Variants in YTHDC1 observed in about 807,000 individuals in gnomAD.
YTHDC1 encodes YTH N6-methyladenosine RNA binding protein C1.
A neutral mutation model predicts 107.0 loss-of-function variants in YTHDC1; 12 were observed. That is an observed-to-expected ratio of 0.11 (90% confidence interval 0.07 to 0.18). The LOEUF is 0.18. Among genes scored for constraint, YTHDC1 ranks in the 10% least tolerant of loss-of-function variants. The pLI is 1.00. For missense variants in YTHDC1, 635 were observed against 898.8 expected (o/e 0.71, Z 3.75); for synonymous variants, 280 against 289.5 (o/e 0.97, Z 0.33).
chr4:68,344,450 C>T (rs952165516), intron 1 of YTHDC1, among the ~76,000 whole-genome samples: 9 of 152,158 alleles, frequency 5.9e-5, no homozygotes, highest in African/African-American at 2.2e-4. Flanking sequence ...CTACTCAACT[C>T]CAGAAGATTA....
Position 68,348,613 on chromosome 4 carries a change from T to G in YTHDC1, c.28+1113A>C, listed in dbSNP as rs965008500. ...AAAAGTATTCCCACCCATTCCACTT[T>G]CCCAGCTTGTCCCTAACCTAGGGCA... is the stretch of plus-strand genomic sequence containing the variant. On this transcript the variant is annotated intron_variant, in intron 1 of 16. Transcript: ENST00000344157. Among the ~76,000 whole-genome samples, 2 of 152,042 alleles carry G rather than the reference T, an allele frequency of 1.3e-5. 1 individual carries two copies. Among genetic ancestry groups the G allele is most frequent in the South Asian group, 4.1e-4 (2 of 4,822 alleles).
In YTHDC1 at chr4:68,314,223, C is replaced by T; in HGVS notation, c.2060G>A (p.Arg687Gln). 1 of 1,613,710 alleles carries T rather than the reference C, an allele frequency of 6.2e-7. No homozygotes were observed. The highest frequency in any genetic ancestry group is 2.2e-5 in the East Asian group (1 of 44,838). ...TCGTCTGTTATCTCTAGGGCGGTCTCGCTCTCGTTCCCGGTCTCTTTCACG... is the reference window on the plus strand; with the variant it reads ...TCGTCTGTTATCTCTAGGGCGGTCTTGCTCTCGTTCCCGGTCTCTTTCACG... ...RPRERDRERE[R>Q]DRPRDNRRDR... Residue 687 changes from arginine (R) to glutamine (Q), a missense_variant, in exon 17 of 17, where the codon CGA becomes CAA. This residue lies in a region of YTHDC1 where 256 missense variants were observed against 372.9 expected (regional missense o/e 0.69). Coordinates refer to ENST00000344157, the MANE Select transcript of YTHDC1 (RefSeq NM_001031732.4).
chr4:68,336,377 A>G (rs1406883039), intron 4 of YTHDC1, among the ~76,000 whole-genome samples: 2 of 152,030 alleles, frequency 1.3e-5, no homozygotes, highest in African/African-American at 4.8e-5. Context: ...ACAGTCATAC[A>G]TTTTTGTCTC....
rs1722535974 is a variant in YTHDC1 at position 68,322,426 on chromosome 4, T to A, written c.1601+323A>T. On this transcript the variant is annotated intron_variant, in intron 11 of 16. Coordinates refer to ENST00000344157, the MANE Select transcript of YTHDC1 (RefSeq NM_001031732.4). The surrounding 1 kb of genome is among the most constrained non-coding windows in gnomAD (Gnocchi z 4.8). Reference sequence around the variant, plus strand: ...AATAAAGACTTCCTCCTCTTCCTCCTTTCTAGCCTGTTCTTAGCAACAAAT... The same window carrying A: ...AATAAAGACTTCCTCCTCTTCCTCCATTCTAGCCTGTTCTTAGCAACAAAT... The A allele has an allele frequency of 7.7e-6, 2 of 260,452 alleles. No homozygotes were observed. Among genetic ancestry groups the A allele is most frequent in the African/African-American group, 2.2e-5 (1 of 45,392 alleles). 16.1% of individuals were successfully genotyped at this position (260,452 alleles called of 1,614,324 possible).
At chr4:68,342,703 A>T (rs1724976544) in intron 1 of YTHDC1, among the ~76,000 whole-genome samples, 1 of 152,200 alleles carries the variant, frequency 6.6e-6, no homozygotes, top group South Asian at 2.1e-4. Flanking sequence ...TTCTTCACTG[A>T]CTTGAAAAAG....
chr4:68,335,345 G>C (rs541687973), intron 4 of YTHDC1, among the ~76,000 whole-genome samples: 1 of 152,198 alleles, frequency 6.6e-6, no homozygotes, highest in South Asian at 2.1e-4. Context: ...CCACATAAGG[G>C]ATTTTCCTTT....
rs749219250 is a variant in YTHDC1, at chr4:68,314,153, C to CTCTCTT, written c.2124_2129dup (p.Glu710_Arg711dup). The CTCTCTT allele has an allele frequency of 8.7e-6, 14 of 1,613,832 alleles. No individual in the cohort carries two copies. The East Asian group carries it at 2.9e-4, about 33-fold the overall frequency. On this transcript the variant is annotated inframe_insertion, in exon 17 of 17. Transcript: ENST00000344157. ...GGTCTCTGTCTCGATCACATAATCG[C>CTCTCTT]TCTCTTTCTCTTTCTCTATCACGTC...
At chr4:68,332,339 A>G (rs1249681272) in intron 6 of YTHDC1, 142 bp from the exon 7 acceptor site, 1 of 498,698 alleles carries the variant, frequency 2.0e-6, no homozygotes, top group Non-Finnish European at 3.5e-6. Flanking sequence ...CTGGAAGGCT[A>G]AGCCACATGT....
At chr4:68,326,060 T>C (rs1722960809) in intron 9 of YTHDC1, among the ~76,000 whole-genome samples, 1 of 152,134 alleles carries the variant, frequency 6.6e-6, no homozygotes, top group Non-Finnish European at 1.5e-5. Flanking sequence ...TTTCTTCTAA[T>C]TGCCAGTTTA....
chr4:68,329,125 C>A (rs1272263974), intron 9 of YTHDC1, among the ~76,000 whole-genome samples: 1 of 152,040 alleles, frequency 6.6e-6, no homozygotes, highest in Non-Finnish European at 1.5e-5. Flanking sequence ...TAGGCTGACT[C>A]ACATTCATTC....
chr4:68,330,164 T>C (rs1252904662), intron 8 of YTHDC1, 38 bp downstream of exon 8: 1 of 1,572,048 alleles, frequency 6.4e-7, no homozygotes, highest in African/African-American at 1.4e-5. Flanking sequence ...GCTAATATAA[T>C]TAATGTTTTT....
chr4:68,319,960 G>T (rs375939599), intron 12 of YTHDC1, among the ~76,000 whole-genome samples, 163 bp downstream of exon 12: 498 of 152,190 alleles, frequency 3.3e-3, no homozygotes, highest in South Asian at 5.8e-3. Flanking sequence ...GTTAAGGGAA[G>T]AATTACACTA....
In YTHDC1 at chr4:68,318,687, T is replaced by C; in HGVS notation, c.1761+3A>G. The stretch of plus-strand genomic sequence containing the variant: ...CATTAAATAGATAAAATGAAATGCT[T>C]ACCCCATTTAAAAACACATCTCGGC... On this transcript the variant is annotated splice_donor_region_variant and intron_variant, in intron 14 of 16. Coordinates refer to ENST00000344157, the MANE Select transcript of YTHDC1 (RefSeq NM_001031732.4). 1 of 1,613,898 alleles carries C rather than the reference T, an allele frequency of 6.2e-7. No homozygotes were observed. Among genetic ancestry groups the C allele is most frequent in the East Asian group, 2.2e-5 (1 of 44,846 alleles).
chr4:68,331,771 C>T (rs1213439248), intron 7 of YTHDC1, among the ~76,000 whole-genome samples: 3 of 151,948 alleles, frequency 2.0e-5, no homozygotes, highest in Non-Finnish European at 4.4e-5. Context: ...ACTACAGGTA[C>T]TTTTAGAAGT....
intron 9 of YTHDC1, among the ~76,000 whole-genome samples, chr4:68,326,784 T>C (rs1723037205): frequency 6.7e-6 from 1 of 149,638 alleles, no homozygotes; most frequent in African/African-American, 2.5e-5. Context: ...AGAGACGGGG[T>C]TTCACCATGT....
At position 68,322,938 on chromosome 4, in the gene YTHDC1, T is replaced by C. The variant is rs776793271; in HGVS notation, c.1435-23A>G. On this transcript the variant is annotated intron_variant, in intron 10 of 16. Transcript: ENST00000344157. The surrounding 1 kb of genome is among the most constrained non-coding windows in gnomAD (Gnocchi z 4.8). ...TTCCTAGAATAGGAAAGTAGCAATT[T>C]ATAAAACAAAAACAGACCCTTTCAA... 6 of 1,607,986 alleles carry C rather than the reference T, an allele frequency of 3.7e-6. No individual in the cohort carries two copies. The highest frequency in any genetic ancestry group is 5.1e-6 in the Non-Finnish European group (6 of 1,175,706).
At chr4:68,314,391 G>A (rs1578011088) in intron 16 of YTHDC1, 68 bp from the exon 17 acceptor site, 13 of 1,336,000 alleles carry the variant, frequency 9.7e-6, no homozygotes, top group South Asian at 3.4e-5. Flanking sequence ...TCCCTGATTT[G>A]AAAAAAAAAT....
In YTHDC1 at chr4:68,333,370, G is replaced by C; in HGVS notation, c.911C>G (p.Ala304Gly). The C allele has an allele frequency of 2.5e-6, 4 of 1,611,578 alleles. No homozygotes were observed. Among genetic ancestry groups the C allele is most frequent in the Non-Finnish European group, 3.4e-6 (4 of 1,178,802 alleles). ...SDEKKKERKR[A>G]RGISPIVFDR... The stretch of plus-strand genomic sequence containing the variant: ...AAAAACAATTGGAGATATGCCTCTA[G>C]CTCTCTTCCTTTCCTTCTTTTTCTC... Residue 304 changes from alanine to glycine, a missense_variant, in exon 5 of 17, where the codon GCT becomes GGT. By Grantham distance (60) the Ala-to-Gly change is moderately conservative. Coordinates refer to ENST00000344157, the MANE Select transcript of YTHDC1 (RefSeq NM_001031732.4).
chr4:68,338,053 A>G, intron 2 of YTHDC1, 153 bp from the exon 3 acceptor site: 1 of 979,886 alleles, frequency 1.0e-6, no homozygotes, highest in Non-Finnish European at 1.2e-6. Flanking sequence ...GAGTTAATCT[A>G]AAAGAAAACA....
Sources: gnomAD v4.1 joint callset for allele counts (sites outside exome capture counted in the v4.1 genomes callset) on GRCh38, gnomAD v4.1.1 for gene constraint, gnomAD v4.1.1 regional missense constraint, Gnocchi (gnomAD v3.1) non-coding constraint, MANE v1.5 for transcripts, NCBI Gene and HGNC (gene_info 2026-07-23, HGNC 2026-07-21) for gene names.